Variants in CERS6 observed in about 807,000 individuals in gnomAD.
CERS6 encodes ceramide synthase 6.
A neutral mutation model predicts 56.8 loss-of-function variants in CERS6; 26 were observed. The ratio of observed to expected loss-of-function variants is 0.46; its 90% CI spans 0.34 to 0.63. CERS6 has a LOEUF of 0.63. Among genes scored for constraint, CERS6 ranks in the 30% least tolerant of loss-of-function variants. The pLI is 0.01. For synonymous variants in CERS6, 164 were observed against 173.3 expected, an observed-to-expected ratio of 0.95 and a Z score of 0.42; for missense variants, 415 against 467.5, an observed-to-expected ratio of 0.89 and a Z score of 1.04.
intron 4 of CERS6, among the ~76,000 whole-genome samples, chr2:168,642,869 T>C (rs967015625): frequency 6.6e-6 from 1 of 152,200 alleles, no homozygotes; most frequent in African/African-American, 2.4e-5. Context: ...GCTAATAGCC[T>C]TGTTGTGAAT....
chr2:168,565,599 A>C (rs1424511318), intron 3 of CERS6, among the ~76,000 whole-genome samples: 2 of 152,224 alleles, frequency 1.3e-5, no homozygotes, highest in Non-Finnish European at 2.9e-5. Flanking sequence ...AGCAGTGTGG[A>C]ATAGCACCAG....
intron 6 of CERS6, among the ~76,000 whole-genome samples, chr2:168,702,162 T>C (rs1236560987): frequency 2.0e-5 from 3 of 152,160 alleles, no homozygotes; most frequent in Non-Finnish European, 4.4e-5. Flanking sequence ...CTATGGATAA[T>C]GGGGGGCCAA....
chr2:168,764,341 A>G (rs938603373), intron 8 of CERS6, among the ~76,000 whole-genome samples: 1 of 152,040 alleles, frequency 6.6e-6, no homozygotes, highest in Non-Finnish European at 1.5e-5. Flanking sequence ...ACGGCGTTGC[A>G]CCATGTTAGC....
chr2:168,487,339 T>G (rs1412977922), intron 1 of CERS6, among the ~76,000 whole-genome samples: 7 of 152,238 alleles, frequency 4.6e-5, no homozygotes. Context: ...CTTCCCTTGC[T>G]TAATCTCCTT....
At chr2:168,684,025 A>T (rs1422811313) in intron 4 of CERS6, among the ~76,000 whole-genome samples, 2 of 151,764 alleles carry the variant, frequency 1.3e-5, no homozygotes, top group African/African-American at 4.8e-5. Context: ...TCTCCAAAAA[A>T]CTCTTTCTAC....
chr2:168,748,926 T>G (rs1275279881), intron 8 of CERS6, among the ~76,000 whole-genome samples: 1 of 151,786 alleles, frequency 6.6e-6, no homozygotes, highest in Non-Finnish European at 1.5e-5. Flanking sequence ...GGGAAGCAGA[T>G]CTCTTGTGTC....
At chr2:168,469,393 G>A (rs1422792112) in intron 1 of CERS6, among the ~76,000 whole-genome samples, 3 of 152,198 alleles carry the variant, frequency 2.0e-5, no homozygotes, top group African/African-American at 7.2e-5. Flanking sequence ...TTTGTGGTGG[G>A]TTGTCTATTA....
chr2:168,692,771 G>A lies in CERS6; in HGVS notation c.516+1687G>A, dbSNP rs149353831. On this transcript the variant is annotated intron_variant, in intron 5 of 9. Transcript: ENST00000305747. ...GATTTCTTTGTGTGTGGGTGGGGGG[G>A]AACTAAACAGCATATAATTATTATG... 4.2e-3 allele frequency among the ~76,000 whole-genome samples: 639 copies of A among 152,148 alleles called. 4 individuals are homozygous for A. Among genetic ancestry groups the A allele is most frequent in the African/African-American group, 0.015 (606 of 41,510 alleles).
chr2:168,725,414 C>G (rs905327525), intron 8 of CERS6, among the ~76,000 whole-genome samples: 1 of 152,270 alleles, frequency 6.6e-6, no homozygotes, highest in African/African-American at 2.4e-5. Flanking sequence ...CAGGAGGCGC[C>G]GAGAGCGAGC....
intron 9 of CERS6, among the ~76,000 whole-genome samples, chr2:168,766,046 C>T (rs985274106): frequency 1.3e-5 from 2 of 152,152 alleles, no homozygotes; most frequent in Non-Finnish European, 2.9e-5. Context: ...TTATACTGAA[C>T]AGAAATTTAA....
At chr2:168,690,926 TA>T in intron 4 of CERS6, 107 bp from the exon 5 acceptor site, 1 of 937,666 alleles carries the variant, frequency 1.1e-6, no homozygotes, top group Non-Finnish European at 1.7e-6. Flanking sequence ...CTCACACAGG[TA>T]AATTATTGAA....
At chr2:168,734,494 G>A (rs1239183728) in intron 8 of CERS6, among the ~76,000 whole-genome samples, 1 of 152,184 alleles carries the variant, frequency 6.6e-6, no homozygotes, top group African/African-American at 2.4e-5. Flanking sequence ...ACTATAAATA[G>A]GAAGCTAACA....
intron 4 of CERS6, among the ~76,000 whole-genome samples, chr2:168,660,639 T>A (rs1685605767): frequency 6.6e-6 from 1 of 152,234 alleles, no homozygotes; most frequent in African/African-American, 2.4e-5. Context: ...TTAAATAACA[T>A]GTCTTCTTTA....
At chr2:168,760,901 G>A (rs760270768) in intron 8 of CERS6, among the ~76,000 whole-genome samples, 248 of 152,114 alleles carry the variant, frequency 1.6e-3, no homozygotes, top group Non-Finnish European at 2.0e-3. Flanking sequence ...GACTACAGGC[G>A]CCCGCCACCA....
At chr2:168,650,671 A>AT (rs1685321136) in intron 4 of CERS6, among the ~76,000 whole-genome samples, 1 of 60,708 alleles carries the variant, frequency 1.6e-5, no homozygotes, top group African/African-American at 1.1e-4. Context: ...ACTTCCGGTG[A>AT]ATTTTTTTTT....
At chr2:168,521,213 G>A (rs1391228128) in intron 1 of CERS6, among the ~76,000 whole-genome samples, 2 of 152,142 alleles carry the variant, frequency 1.3e-5, no homozygotes, top group Non-Finnish European at 2.9e-5. Flanking sequence ...CCAAAGCTGG[G>A]GTCAGGACCA....
intron 1 of CERS6, among the ~76,000 whole-genome samples, chr2:168,536,882 A>C (rs1695273622): frequency 6.6e-6 from 1 of 152,210 alleles, no homozygotes; most frequent in South Asian, 2.1e-4. Flanking sequence ...TTGATGTAAT[A>C]TACACTGCTT....
intron 1 of CERS6, among the ~76,000 whole-genome samples, chr2:168,478,965 GGT>G (rs1277982403): frequency 1.3e-5 from 2 of 152,186 alleles, no homozygotes; most frequent in East Asian, 3.9e-4. Flanking sequence ...AATTAATTTT[GGT>G]GTGAGAGATG....
chr2:168,544,208 C>G (rs1184272463), intron 1 of CERS6, among the ~76,000 whole-genome samples: 1 of 152,206 alleles, frequency 6.6e-6, no homozygotes, highest in Non-Finnish European at 1.5e-5. Flanking sequence ...TCTTCTCTCT[C>G]TCTCTCTCAC....
Sources: gnomAD v4.1 joint callset for allele counts (sites outside exome capture counted in the v4.1 genomes callset) on GRCh38, gnomAD v4.1.1 for gene constraint, MANE v1.5 for transcripts, NCBI Gene and HGNC (gene_info 2026-07-23, HGNC 2026-07-21) for gene names.